The following PERM1 variants were observed in gnomAD, a reference collection of about 807,000 sequenced individuals.
PERM1 encodes the protein PPARGC1 and ESRR induced regulator, muscle 1.
A neutral mutation model predicts 44.1 loss-of-function variants in PERM1; 45 were observed. That is an observed-to-expected ratio of 1.02 (90% CI 0.80 to 1.31). The LOEUF (loss-of-function observed/expected upper bound fraction) is 1.31, where lower values mean the gene tolerates loss of function less well. Among genes scored for constraint, PERM1 ranks in the 50% most tolerant of loss-of-function variants. PERM1 has a pLI of 0.00. For synonymous variants in PERM1, 565 were observed against 477.1 expected, an observed-to-expected ratio of 1.18 and a Z score of -2.40; for missense variants, 1,189 against 1,106.9, an observed-to-expected ratio of 1.07 and a Z score of -1.05.
At chr1:976,310 T>C in intron 2 of PERM1, 41 bp from the exon 4 acceptor site, 1 of 1,469,374 alleles carries the variant, frequency 6.8e-7, no homozygotes, top group Non-Finnish European at 9.0e-7. Flanking sequence ...CCAGCCTGGC[T>C]GTCGGCACCG....
chr1:979,748 A>G, exon 1 of PERM1: 2 of 1,550,262 alleles, frequency 1.3e-6, no homozygotes, highest in Non-Finnish European at 1.7e-6. Context: ...ACAGGTGGAG[A>G]TGAAGCCACC....
At chr1:981,821 A>G (rs1159554462), upstream of PERM1, among the ~76,000 whole-genome samples, 1 of 152,216 alleles carries the variant, frequency 6.6e-6, no homozygotes, top group Non-Finnish European at 1.5e-5. Context: ...CAGAGAAGCA[A>G]GGAGACCCTA....
exon 1 of PERM1, chr1:979,591 G>A: frequency 6.5e-7 from 1 of 1,550,156 alleles, no homozygotes; most frequent in Non-Finnish European, 8.7e-7. Context: ...GGCCCCTGCT[G>A]AGGGCTCAGA....
chr1:976,569 C>T, exon 2 of PERM1: 4 of 1,549,608 alleles, frequency 2.6e-6, no homozygotes, highest in Non-Finnish European at 2.6e-6. Context: ...CTACAAACAC[C>T]AGGCACATGT....
exon 1 of PERM1, chr1:978,966 G>T: frequency 6.6e-7 from 1 of 1,510,342 alleles, no homozygotes; most frequent in Non-Finnish European, 8.9e-7. Flanking sequence ...AGGCCGACCG[G>T]GGAGGCTCCA....
At chr1:981,118 C>T (rs767977988), upstream of PERM1, 48 of 1,548,862 alleles carry the variant, frequency 3.1e-5, no homozygotes, top group South Asian at 5.1e-4. Context: ...CTGCACATGC[C>T]GCCCCTGCCC....
chr1:979,930 G>A lies in PERM1; in HGVS notation c.1100C>T (p.Pro367Leu), dbSNP rs1016595570. 47 of 1,550,144 alleles carry A rather than the reference G, an allele frequency of 3.0e-5. 1 individual carries two copies. The Admixed American group carries it at 4.1e-4, about 14-fold the overall frequency. ...TGTAGACACAGCCGTGTCAGATTGCGGCTTGGAGGCAGGTATAGACACAGC... is the reference window on the plus strand; with the variant it reads ...TGTAGACACAGCCGTGTCAGATTGCAGCTTGGAGGCAGGTATAGACACAGC... The change falls in exon 1 of 3, where the codon CCG (proline) becomes CTG (leucine). Residue 367 changes from proline to leucine, a missense_variant. Transcript: ENST00000433179.
chr1:979,997 C>T (rs753125814), exon 1 of PERM1: 53 of 1,548,902 alleles, frequency 3.4e-5, no homozygotes, highest in Non-Finnish European at 4.2e-5. Context: ...GGTGTAGACA[C>T]AGCCATGTCC....
In PERM1 at chr1:978,334, C is replaced by G. The variant is rs370479801; in HGVS notation, c.2149+547G>C. On this transcript the variant is annotated intron_variant, in intron 1 of 2. Transcript: ENST00000433179. ...CCCTGGACACGTCTTCCCGAAACCC[C>G]TCTGTCATGGACACGTCTTCCTGAG... Among the ~76,000 whole-genome samples the G allele has an allele frequency of 1.4e-3, 212 of 151,016 alleles. 1 individual carries two copies. The highest frequency in any genetic ancestry group is 5.0e-3 in the African/African-American group (206 of 41,074).
At chr1:981,518 G>C (rs1182145074), upstream of PERM1, among the ~76,000 whole-genome samples, 2 of 152,224 alleles carry the variant, frequency 1.3e-5, no homozygotes, top group African/African-American at 4.8e-5. Flanking sequence ...GGGCAGCCCT[G>C]GTCCATCCCA....
upstream of PERM1, chr1:981,902 G>A (rs752411628): frequency 1.7e-5 from 5 of 291,290 alleles, no homozygotes; most frequent in Non-Finnish European, 2.0e-5. Flanking sequence ...ACCCAGGGGT[G>A]GGAAGTCACT....
chr1:979,534 G>A, exon 1 of PERM1: 1 of 1,550,008 alleles, frequency 6.5e-7, no homozygotes, highest in South Asian at 1.2e-5. Context: ...CTTCTTCCTG[G>A]GGACTTGGGT....
rs973582569 is a variant in PERM1 at position 980,848 on chromosome 1, G to T, written c.182C>A (p.Thr61Asn). ...CCGCCCTCCTGCAGCTAGCTGCCCA[G>T]TTGGGAGAGGTGGGGCCCTGGGGGG... The change falls in exon 1 of 3, where the codon ACT (threonine) becomes AAT (asparagine). Residue 61 changes from threonine (T) to asparagine (N), a missense_variant. Around this residue, in one of 3 missense-constraint regions of PERM1, gnomAD observed 274 missense variants for 317.9 expected, o/e 0.86. Coordinates refer to ENST00000433179, the Ensembl canonical transcript of PERM1. The T allele has an allele frequency of 3.6e-6, 5 of 1,402,958 alleles. No homozygotes were observed. The East Asian group carries it at 1.3e-4, about 38-fold the overall frequency. 86.9% of individuals were successfully genotyped at this position (1,402,958 alleles called of 1,614,324 possible). A position where few individuals can be genotyped will look rare whatever the true frequency, so the allele number is the denominator to read the frequency against.
At chr1:980,585 G>C (rs1282101307) in exon 1 of PERM1, 1 of 1,454,616 alleles carries the variant, frequency 6.9e-7, no homozygotes, top group Non-Finnish European at 9.1e-7. Context: ...TCACCAGGGG[G>C]CCGTGGGGCA....
chr1:979,584 C>T lies in PERM1; in HGVS notation c.1446G>A (p.Gly482=), dbSNP rs113931104. Reference sequence around the variant, plus strand: ...GTGCCCCAGAGCAGCATCCGGGGGCCCCTGCTGAGGGCTCAGACACAACCG... The same window carrying T: ...GTGCCCCAGAGCAGCATCCGGGGGCTCCTGCTGAGGGCTCAGACACAACCG... Residue 482 remains glycine, a synonymous_variant, in exon 1 of 3, where the codon GGG becomes GGA. Coordinates refer to ENST00000433179, the Ensembl canonical transcript of PERM1. 4.3e-5 allele frequency: 67 copies of T among 1,550,096 alleles called. 2 individuals are homozygous for T. In the African/African-American group the frequency reaches 4.8e-4, roughly 11 times the overall value.
At chr1:981,131 C>T (rs566393302), upstream of PERM1, 1,876 of 1,549,056 alleles carry the variant, frequency 1.2e-3, no homozygotes, top group Admixed American at 2.4e-3. Flanking sequence ...CCCTGCCCCA[C>T]GAGACCTGGG....
At chr1:980,305 G>C (rs775007648) in exon 1 of PERM1, 1 of 1,550,310 alleles carries the variant, frequency 6.5e-7, no homozygotes, top group African/African-American at 1.4e-5. Flanking sequence ...CTGCACAGGG[G>C]ACCTGGGGCC....
upstream of PERM1, chr1:982,055 C>T: frequency 7.8e-7 from 1 of 1,288,438 alleles, no homozygotes; most frequent in Non-Finnish European, 1.0e-6. Flanking sequence ...AGCAGCTGAC[C>T]ATGTCCTACC....
chr1:978,273 G>A (rs1415788474), intron 1 of PERM1, among the ~76,000 whole-genome samples: 1 of 148,716 alleles, frequency 6.7e-6, no homozygotes, highest in African/African-American at 2.5e-5. Context: ...CATGGGACAT[G>A]TCTGTCCTAA....
Sources: allele counts gnomAD v4.1 joint callset (sites outside exome capture counted in the v4.1 genomes callset), GRCh38; gene constraint gnomAD v4.1.1; regional missense constraint gnomAD v4.1.1; transcripts MANE v1.5; gene names NCBI Gene and HGNC (gene_info 2026-07-23, HGNC 2026-07-21).